The following PNKD variants were observed in gnomAD, a reference collection of about 807,000 sequenced individuals.
The protein encoded by PNKD is probable thioesterase PNKD.
PNKD carries 36 observed loss-of-function variants against 45.3 expected under a neutral mutation model. The observed-to-expected ratio is 0.80, with a 90% CI of 0.61 to 1.05. The LOEUF (loss-of-function observed/expected upper bound fraction) is 1.05. PNKD is among the 50% of genes least tolerant of loss of function. PNKD has a pLI of 0.00. For synonymous variants in PNKD, 197 were observed against 210.1 expected (o/e 0.94, Z 0.54); for missense variants, 511 against 506.6 (o/e 1.01, Z -0.08).
intron 2 of PNKD, among the ~76,000 whole-genome samples, chr2:218,336,788 C>CTTTTTT: frequency 3.4e-5 from 1 of 29,158 alleles, no homozygotes; most frequent in Non-Finnish European, 6.6e-5. Flanking sequence ...GCCTTCAATT[C>CTTTTTT]TTTTTTTTTT....
chr2:218,327,501 C>A (rs907168802), intron 2 of PNKD, among the ~76,000 whole-genome samples: 1 of 152,094 alleles, frequency 6.6e-6, no homozygotes, highest in Non-Finnish European at 1.5e-5. Context: ...GCCAGAGCAC[C>A]CACAGCAGCC....
Position 218,342,040 on chromosome 2 carries a change from C to T in PNKD, c.677C>T (p.Thr226Ile), listed in dbSNP as rs1290059976. ...VGRLQIRALA[T>I]PGHTQGHLVY... is the part of the protein sequence containing the mutation. ...CGGCTTCAGATCCGGGCCCTGGCTA[C>T]ACCTGGCCACACACAAGGCCATCTG... The change falls in exon 7 of 10, where the codon ACA becomes ATA. Residue 226 changes from threonine (T) to isoleucine (I), a missense_variant. Physicochemically the swap from Thr to Ile is moderately conservative, Grantham distance 89. Transcript: ENST00000273077. 1 of 1,612,820 alleles carries T rather than the reference C, an allele frequency of 6.2e-7. No individual in the cohort carries two copies. The highest frequency in any genetic ancestry group is 8.5e-7 in the Non-Finnish European group (1 of 1,178,770).
chr2:218,303,910 C>T (rs1023113496), intron 2 of PNKD, among the ~76,000 whole-genome samples: 3 of 151,882 alleles, frequency 2.0e-5, no homozygotes, highest in Admixed American at 6.6e-5. Flanking sequence ...GGCTGGTTTC[C>T]GTTTGCTCTC....
chr2:218,312,323 T>C (rs1693638009), intron 2 of PNKD, among the ~76,000 whole-genome samples: 1 of 152,190 alleles, frequency 6.6e-6, no homozygotes, highest in Non-Finnish European at 1.5e-5. Context: ...ATTTGTACTA[T>C]ATAAATATTT....
chr2:218,275,037 G>C (rs1469879381), intron 2 of PNKD: 2 of 155,186 alleles, frequency 1.3e-5, no homozygotes, highest in Non-Finnish European at 2.9e-5. Context: ...CTCTGGCTTT[G>C]CTGGGGGAAG....
chr2:218,292,156 C>T (rs1017806487), intron 2 of PNKD, among the ~76,000 whole-genome samples: 1 of 152,206 alleles, frequency 6.6e-6, no homozygotes, highest in Non-Finnish European at 1.5e-5. Flanking sequence ...CACTCGTGCC[C>T]GAAAGAGGGA....
chr2:218,298,468 T>G (rs930092719), intron 2 of PNKD, among the ~76,000 whole-genome samples: 3 of 152,210 alleles, frequency 2.0e-5, no homozygotes, highest in Non-Finnish European at 2.9e-5. Context: ...TTAACTGCTG[T>G]GAGCCTTGGC....
intron 2 of PNKD, among the ~76,000 whole-genome samples, chr2:218,296,634 A>G (rs757981743): frequency 2.0e-5 from 3 of 152,126 alleles, no homozygotes; most frequent in Non-Finnish European, 2.9e-5. Flanking sequence ...ATTGATCACT[A>G]ACTTTCTGAA....
chr2:218,339,083 A>C (rs975019713), intron 2 of PNKD, among the ~76,000 whole-genome samples: 1 of 151,980 alleles, frequency 6.6e-6, no homozygotes, highest in Non-Finnish European at 1.5e-5. Flanking sequence ...GGTGTGAGCC[A>C]CTGTACCCAA....
chr2:218,297,069 G>A (rs1693155038), intron 2 of PNKD, among the ~76,000 whole-genome samples: 2 of 152,232 alleles, frequency 1.3e-5, no homozygotes, highest in Admixed American at 6.5e-5. Context: ...CTGGAGGGCA[G>A]AGACAATGTC....
chr2:218,339,686 C>T (rs1222330825), intron 2 of PNKD, 97 bp from the exon 3 acceptor site: 1 of 766,790 alleles, frequency 1.3e-6, no homozygotes, highest in Non-Finnish European at 2.3e-6. Context: ...CACAGGGTCA[C>T]CAAAGGAATG....
At chr2:218,279,213 C>T (rs956822936) in intron 2 of PNKD, 2 of 1,556,728 alleles carry the variant, frequency 1.3e-6, no homozygotes, top group Non-Finnish European at 1.8e-6. Flanking sequence ...GCAGGGCCCA[C>T]CGCCACCCAC....
chr2:218,279,208 GCCCACCGCCA>G, intron 2 of PNKD: 1 of 1,563,304 alleles, frequency 6.4e-7, no homozygotes, highest in East Asian at 2.3e-5. Context: ...TGAGAGCAGG[GCCCACCGCCA>G]CCCACACCCC....
At chr2:218,319,130 T>C (rs145809640) in intron 2 of PNKD, among the ~76,000 whole-genome samples, 1 of 151,524 alleles carries the variant, frequency 6.6e-6, no homozygotes, top group East Asian at 2.0e-4. Flanking sequence ...AACTTTTGTA[T>C]TTTTAGTAGA....
At chr2:218,315,057 T>TCTTTTCTTC (rs61429059) in intron 2 of PNKD, among the ~76,000 whole-genome samples, 2 of 55,544 alleles carry the variant, frequency 3.6e-5, no homozygotes, top group Non-Finnish European at 7.8e-5. Flanking sequence ...TTTCTTTCTT[T>TCTTTTCTTC]CTTCCTTCCT....
intron 6 of PNKD, 153 bp downstream of exon 6, chr2:218,341,779 C>G: frequency 1.3e-6 from 1 of 764,838 alleles, no homozygotes; most frequent in Non-Finnish European, 2.3e-6. Flanking sequence ...TGGCACTGCC[C>G]ATCCCCCAAC....
At chr2:218,323,183 A>C (rs1375004103) in intron 2 of PNKD, 3 of 1,378,492 alleles carry the variant, frequency 2.2e-6, no homozygotes, top group Non-Finnish European at 2.8e-6. Context: ...CAGAGCCGGC[A>C]GGCAGGTTCC....
At chr2:218,291,578 C>T (rs1406707338) in intron 2 of PNKD, among the ~76,000 whole-genome samples, 7 of 152,124 alleles carry the variant, frequency 4.6e-5, no homozygotes, top group African/African-American at 1.7e-4. Context: ...CTGGGTACCA[C>T]GTAGAGGCCA....
intron 2 of PNKD, among the ~76,000 whole-genome samples, chr2:218,317,135 T>A (rs1445396570): frequency 6.6e-6 from 1 of 152,088 alleles, no homozygotes; most frequent in Non-Finnish European, 1.5e-5. Context: ...TCCAGGTGAA[T>A]CTAGGGTGTG....
Sources: allele counts gnomAD v4.1 joint callset (sites outside exome capture counted in the v4.1 genomes callset), GRCh38; gene constraint gnomAD v4.1.1; transcripts MANE v1.5; gene names NCBI Gene and HGNC (gene_info 2026-07-23, HGNC 2026-07-21).